Variants in CPSF4L observed in about 807,000 individuals in gnomAD.
The protein encoded by CPSF4L is putative cleavage and polyadenylation specificity factor subunit 4-like protein.
A neutral mutation model predicts 24.0 loss-of-function variants in CPSF4L; 18 were observed. The observed-to-expected ratio is 0.75, with a 90% CI of 0.52 to 1.11. The LOEUF is 1.11. CPSF4L is among the 50% of genes least tolerant of loss of function. CPSF4L has a pLI of 0.00. For missense variants in CPSF4L, 211 were observed against 221.8 expected (o/e 0.95, Z 0.31); for synonymous variants, 72 against 77.2 (o/e 0.93, Z 0.35).
At chr17:73,251,213 G>C in intron 5 of CPSF4L, 2 of 1,240,408 alleles carry the variant, frequency 1.6e-6, no homozygotes, top group South Asian at 4.7e-5. Flanking sequence ...GTGAAACCAG[G>C]GTTCAAGATG....
chr17:73,258,088 C>T (rs1204419434), intron 2 of CPSF4L, among the ~76,000 whole-genome samples: 1 of 151,800 alleles, frequency 6.6e-6, no homozygotes, highest in Non-Finnish European at 1.5e-5. Context: ...TGGCTCACTG[C>T]AAGCTCCGCC....
chr17:73,261,792 C>T lies in CPSF4L; in HGVS notation c.27G>A (p.Glu9=). MQEVIAGL[E]RFTFAFEKDV... is the part of the protein sequence containing the mutation. The stretch of plus-strand genomic sequence containing the variant: ...CCTTCTCGAAGGCAAAGGTGAACCG[C>T]TCTAGCCCCGCAATGACCTCTTGCA... Residue 9 remains glutamate (E), a synonymous_variant, in exon 1 of 6, where the codon GAG becomes GAA. Transcript: ENST00000344935. 1 of 1,551,778 alleles carries T rather than the reference C, an allele frequency of 6.4e-7. No homozygotes were observed. The highest frequency in any genetic ancestry group is 8.7e-7 in the Non-Finnish European group (1 of 1,146,988).
At chr17:73,243,078 T>TTA in the CPSF4L span, 1 of 234,910 alleles carries the variant, frequency 4.3e-6, no homozygotes, top group Non-Finnish European at 6.2e-6. Flanking sequence ...ATTCTCTGAA[T>TTA]TTTTTTTTTT....
chr17:73,257,904 G>T (rs2062029860), intron 2 of CPSF4L, 71 bp from the exon 3 acceptor site: 2 of 1,497,922 alleles, frequency 1.3e-6, no homozygotes, highest in South Asian at 2.5e-5. Context: ...CCCTCCAGGG[G>T]ATTCCCCAGG....
rs1384537678 is a variant in CPSF4L at position 73,261,730 on chromosome 17, A to C, written c.89T>G (p.Phe30Cys). 6.4e-7 allele frequency: 1 copy of C among 1,550,702 alleles called. No individual in the cohort carries two copies. Among genetic ancestry groups the C allele is most frequent in the Non-Finnish European group, 8.7e-7 (1 of 1,146,176 alleles). Reference protein sequence around the residue: ...EMQKGTGLLPFQGMDKSASAV... With the variant: ...EMQKGTGLLPCQGMDKSASAV... ...CCCTCACTCACTGTCCATGCCCTGG[A>C]AAGGCAGGAGCCCAGTGCCCTTCTG... The change falls in exon 1 of 6, where the codon TTC (phenylalanine) becomes TGC (cysteine). Residue 30 changes from phenylalanine (F) to cysteine (C), a missense_variant. Transcript: ENST00000344935.
upstream of CPSF4L, among the ~76,000 whole-genome samples, chr17:73,263,129 C>A (rs997644711): frequency 6.6e-6 from 1 of 152,142 alleles, no homozygotes; most frequent in Non-Finnish European, 1.5e-5. Flanking sequence ...CTTCTCTTGG[C>A]CTTAGTTGTA....
chr17:73,248,626 AC>A (rs2061985224), intron 5 of CPSF4L, 90 bp from the exon 6 acceptor site: 1 of 1,289,504 alleles, frequency 7.8e-7, no homozygotes, highest in Non-Finnish European at 1.1e-6. Context: ...GCATGGTGAC[AC>A]CCAGGCTACT....
At chr17:73,259,808 G>A (rs1490359881) in intron 2 of CPSF4L, among the ~76,000 whole-genome samples, 1 of 152,180 alleles carries the variant, frequency 6.6e-6, no homozygotes, top group East Asian at 1.9e-4. Context: ...CAGCTTCCAG[G>A]GACAGACTCA....
chr17:73,263,091 A>C (rs572328278), upstream of CPSF4L, among the ~76,000 whole-genome samples: 1 of 152,168 alleles, frequency 6.6e-6, no homozygotes, highest in Non-Finnish European at 1.5e-5. Context: ...GGGTGGGGCC[A>C]AGGGGGTCCC....
At chr17:73,251,001 C>T in intron 5 of CPSF4L, 1 of 1,547,762 alleles carries the variant, frequency 6.5e-7, no homozygotes, top group East Asian at 2.4e-5. Flanking sequence ...CCCTTGACCC[C>T]TGATCCCCAG....
chr17:73,260,953 G>C lies in CPSF4L; in HGVS notation c.134C>G (p.Thr45Ser). The C allele has an allele frequency of 1.3e-6, 2 of 1,550,714 alleles. No individual in the cohort carries two copies. Among genetic ancestry groups the C allele is most frequent in the Non-Finnish European group, 1.7e-6 (2 of 1,146,408 alleles). Residue 45 changes from threonine to serine, a missense_variant, in exon 2 of 6, where the codon ACT becomes AGT. By Grantham distance (58) the Thr-to-Ser change is moderately conservative. Transcript: ENST00000344935. ...KSASAVCNFF[T>S]KGLCEKGKLC... ...CTCACCTTTCTCACAGAGCCCTTTA[G>C]TGAAGAAGTTGCACACAGCTGAGGC...
intron 3 of CPSF4L, 58 bp from the exon 4 acceptor site, chr17:73,254,084 C>A: frequency 7.5e-7 from 1 of 1,340,274 alleles, no homozygotes; most frequent in Non-Finnish European, 1.0e-6. Flanking sequence ...CTTCTGTGTC[C>A]CCAAACCAGA....
At chr17:73,253,083 G>A (rs192194860) in intron 4 of CPSF4L, among the ~76,000 whole-genome samples, 3 of 152,190 alleles carry the variant, frequency 2.0e-5, no homozygotes, top group Admixed American at 2.0e-4. Flanking sequence ...TGACCTGGCC[G>A]GGTGGGGTGG....
At chr17:73,243,564 TC>T (rs971060953), downstream of CPSF4L, among the ~76,000 whole-genome samples, 2 of 149,868 alleles carry the variant, frequency 1.3e-5, no homozygotes, top group East Asian at 1.9e-4. Context: ...TTTTTTTTTT[TC>T]CCACCCAGGC....
chr17:73,257,564 G>T, intron 3 of CPSF4L, 117 bp downstream of exon 3: 2 of 1,043,892 alleles, frequency 1.9e-6, no homozygotes, highest in Non-Finnish European at 1.4e-6. Flanking sequence ...AGGTCTCTCT[G>T]GCCTCCAGGG....
intron 5 of CPSF4L, chr17:73,251,001 CT>C: frequency 6.5e-7 from 1 of 1,547,762 alleles, no homozygotes; most frequent in African/African-American, 1.4e-5. Context: ...CCCTTGACCC[CT>C]GATCCCCAGG....
chr17:73,263,711 C>T (rs888568176), upstream of CPSF4L, among the ~76,000 whole-genome samples: 1 of 150,546 alleles, frequency 6.6e-6, no homozygotes, highest in Non-Finnish European at 1.5e-5. Flanking sequence ...GCAGAGCCAC[C>T]ACAGGGCTCT....
intron 5 of CPSF4L, among the ~76,000 whole-genome samples, chr17:73,251,266 C>T (rs1028746004): frequency 5.9e-5 from 9 of 152,194 alleles, no homozygotes; most frequent in Non-Finnish European, 1.2e-4. Context: ...ACCTTTCCAT[C>T]AAAGTTAGGC....
chr17:73,253,870 G>T lies in CPSF4L; in HGVS notation c.403+61C>A, dbSNP rs370545970. ...TCATCAGGAAAATGGCCCCTCCCCT[G>T]CTGAGAGCTCCCACCCTGATCCCCA... On this transcript the variant is annotated intron_variant, in intron 4 of 5. Coordinates refer to ENST00000344935, the MANE Select transcript of CPSF4L (RefSeq NM_001129885.1). The T allele has an allele frequency of 2.3e-5, 27 of 1,183,186 alleles. No individual in the cohort carries two copies. In the East Asian group the frequency reaches 3.1e-4, roughly 14 times the overall value. The allele number at this position is 1,183,186 out of a possible 1,614,324, so 73.3% of individuals were successfully genotyped here. A position where few individuals can be genotyped will look rare whatever the true frequency, so the allele number is the denominator to read the frequency against.
Sources: gnomAD v4.1 joint callset for allele counts (sites outside exome capture counted in the v4.1 genomes callset) on GRCh38, gnomAD v4.1.1 for gene constraint, MANE v1.5 for transcripts, NCBI Gene and HGNC (gene_info 2026-07-23, HGNC 2026-07-21) for gene names.